SIPA1L1: variants seen among roughly 807,000 people sequenced by gnomAD.
SIPA1L1 encodes signal-induced proliferation-associated 1-like protein 1.
In SIPA1L1, 26 loss-of-function variants were observed where a neutral mutation model predicts 162.7. The observed-to-expected ratio is 0.16, with a 90% CI of 0.12 to 0.22. The LOEUF (loss-of-function observed/expected upper bound fraction) is 0.22, where lower values mean the gene tolerates loss of function less well. Ranked by LOEUF, SIPA1L1 falls within the 10% of genes least tolerant of loss-of-function variation. SIPA1L1 has a pLI of 1.00. For missense variants in SIPA1L1, 1,874 were observed against 2,241.0 expected, an observed-to-expected ratio of 0.84 and a Z score of 3.31; for synonymous variants, 829 against 837.4, an observed-to-expected ratio of 0.99 and a Z score of 0.17.
At position 71,733,623 on chromosome 14, in the gene SIPA1L1, C is replaced by G. The variant is rs377162105; in HGVS notation, c.4862-43C>G. On this transcript the variant is annotated intron_variant, in intron 20 of 23. Transcript: ENST00000381232. ...AAGAGGTAAGTTTTGAGTGGCTCTT[C>G]CACAGGCACAAGAAGCATCTCATTC... The G allele has an allele frequency of 2.1e-5, 34 of 1,598,326 alleles. 1 individual carries two copies. In the African/African-American group the frequency reaches 3.2e-4, roughly 15 times the overall value.
intron 2 of SIPA1L1, among the ~76,000 whole-genome samples, chr14:71,425,626 G>A (rs1452148263): frequency 6.6e-6 from 1 of 152,084 alleles, no homozygotes; most frequent in African/African-American, 2.4e-5. Flanking sequence ...TTGTGGCTTA[G>A]TATATGGCTT....
At chr14:71,372,885 C>T (rs1416444630) in intron 2 of SIPA1L1, among the ~76,000 whole-genome samples, 1 of 152,128 alleles carries the variant, frequency 6.6e-6, no homozygotes, top group East Asian at 1.9e-4. Context: ...TGTAGAGTTC[C>T]CTTGAGTGTT....
At chr14:71,385,112 T>G (rs2040211466) in intron 2 of SIPA1L1, among the ~76,000 whole-genome samples, 2 of 152,094 alleles carry the variant, frequency 1.3e-5, no homozygotes, top group African/African-American at 4.8e-5. Context: ...CAACCCAGAG[T>G]ACTAAAAAAG....
At position 71,672,066 on chromosome 14, in the gene SIPA1L1, T is replaced by C. The variant is rs146126005; in HGVS notation, c.2830-282T>C. Among the ~76,000 whole-genome samples the C allele has an allele frequency of 7.9e-4, 121 of 152,296 alleles. 1 individual carries two copies. Among genetic ancestry groups the C allele is most frequent in the Admixed American group, 1.9e-3 (29 of 15,296 alleles). On this transcript the variant is annotated intron_variant, in intron 11 of 23. Transcript: ENST00000381232. ...TGCCTTGAATTTTACAAAGGCTAAA[T>C]GAGTAGCAGTATATGGTTTCTATTT...
At chr14:71,392,077 C>T (rs542940312) in intron 2 of SIPA1L1, among the ~76,000 whole-genome samples, 9 of 152,314 alleles carry the variant, frequency 5.9e-5, no homozygotes, top group African/African-American at 2.2e-4. Context: ...ACCCATTCTC[C>T]TTGCCCTCAA....
intron 3 of SIPA1L1, among the ~76,000 whole-genome samples, chr14:71,516,760 G>C: frequency 6.6e-6 from 1 of 151,908 alleles, no homozygotes; most frequent in Non-Finnish European, 1.5e-5. Flanking sequence ...ATTGCTTGAG[G>C]TGAGGAGTTT....
At chr14:71,506,790 T>TATC (rs1384902945) in intron 2 of SIPA1L1, among the ~76,000 whole-genome samples, 1 of 152,102 alleles carries the variant, frequency 6.6e-6, no homozygotes, top group Non-Finnish European at 1.5e-5. Flanking sequence ...TCCATATTAT[T>TATC]ATCTCACATT....
chr14:71,354,524 G>A (rs1043926277), intron 2 of SIPA1L1, among the ~76,000 whole-genome samples: 10 of 151,434 alleles, frequency 6.6e-5, no homozygotes, highest in African/African-American at 2.4e-4. Flanking sequence ...CAATCTGCCC[G>A]CCTTGGCCTC....
intron 2 of SIPA1L1, among the ~76,000 whole-genome samples, chr14:71,406,777 A>G (rs1436955030): frequency 6.6e-6 from 1 of 152,130 alleles, no homozygotes; most frequent in African/African-American, 2.4e-5. Flanking sequence ...TTCAAGGATA[A>G]TTGTTAGTTG....
At chr14:71,516,343 A>G (rs1435497453) in intron 3 of SIPA1L1, among the ~76,000 whole-genome samples, 1 of 152,210 alleles carries the variant, frequency 6.6e-6, no homozygotes, top group African/African-American at 2.4e-5. Flanking sequence ...GAGAGAAACA[A>G]TCTCACCTGT....
chr14:71,697,934 CA>C (rs71929698), intron 13 of SIPA1L1, among the ~76,000 whole-genome samples: 213 of 150,028 alleles, frequency 1.4e-3, no homozygotes, highest in Non-Finnish European at 2.5e-3. Flanking sequence ...ATTAAAAAAA[CA>C]AAAAAAAAAC....
intron 4 of SIPA1L1, among the ~76,000 whole-genome samples, chr14:71,561,426 C>G (rs1318122771): frequency 6.6e-6 from 1 of 152,134 alleles, no homozygotes; most frequent in Non-Finnish European, 1.5e-5. Flanking sequence ...TAGCATTGTA[C>G]AATCCAATAG....
chr14:71,692,443 G>A (rs913248886), intron 13 of SIPA1L1, among the ~76,000 whole-genome samples: 1 of 152,220 alleles, frequency 6.6e-6, no homozygotes, highest in African/African-American at 2.4e-5. Context: ...AGACAAGGGA[G>A]AAAAGCAGAG....
chr14:71,428,509 A>G (rs1389782645), intron 2 of SIPA1L1, among the ~76,000 whole-genome samples: 1 of 151,676 alleles, frequency 6.6e-6, no homozygotes, highest in Non-Finnish European at 1.5e-5. Flanking sequence ...CTGACCATGC[A>G]TGGTCACGTT....
At chr14:71,348,376 T>C (rs1390777421) in intron 2 of SIPA1L1, among the ~76,000 whole-genome samples, 1 of 152,244 alleles carries the variant, frequency 6.6e-6, no homozygotes, top group Non-Finnish European at 1.5e-5. Flanking sequence ...CATGTTTTCT[T>C]TTGTACCTGG....
chr14:71,703,473 T>TA (rs2082231163), intron 15 of SIPA1L1, among the ~76,000 whole-genome samples: 1 of 152,184 alleles, frequency 6.6e-6, no homozygotes, highest in African/African-American at 2.4e-5. Flanking sequence ...ATGGAGTTCC[T>TA]AGGTTCTGAA....
intron 2 of SIPA1L1, among the ~76,000 whole-genome samples, chr14:71,467,565 A>G (rs1005367066): frequency 3.5e-4 from 54 of 152,176 alleles, no homozygotes; most frequent in Admixed American, 3.5e-3. Flanking sequence ...TGTGGTTTGC[A>G]TTGTGCCCAG....
chr14:71,586,735 C>T (rs1351836899), intron 4 of SIPA1L1: 1 of 152,174 alleles, frequency 6.6e-6, no homozygotes, highest in Admixed American at 6.5e-5. Context: ...GAGGGCCACC[C>T]AGAGCTGTGT....
intron 2 of SIPA1L1, among the ~76,000 whole-genome samples, chr14:71,396,040 A>G (rs945347019): frequency 6.6e-6 from 1 of 152,128 alleles, no homozygotes; most frequent in African/African-American, 2.4e-5. Flanking sequence ...AGAGAAGGGA[A>G]CATAGTAGCT....
Sources: allele counts gnomAD v4.1 joint callset (sites outside exome capture counted in the v4.1 genomes callset), GRCh38; gene constraint gnomAD v4.1.1; transcripts MANE v1.5; gene names NCBI Gene and HGNC (gene_info 2026-07-23, HGNC 2026-07-21).